The following UBE2D2 variants were observed in gnomAD, a reference collection of about 807,000 sequenced individuals.
UBE2D2 encodes ubiquitin-conjugating enzyme E2 D2.
A neutral mutation model predicts 24.2 loss-of-function variants in UBE2D2; 2 were observed. That is an observed-to-expected ratio of 0.08 (90% CI 0.03 to 0.26). UBE2D2 has a LOEUF of 0.26. Among genes scored for constraint, UBE2D2 ranks in the 10% least tolerant of loss-of-function variants. The pLI, the probability that UBE2D2 is intolerant of heterozygous loss-of-function variation, is 1.00. For missense variants in UBE2D2, 44 were observed against 177.6 expected, an observed-to-expected ratio of 0.25 and a Z score of 4.28; for synonymous variants, 58 against 56.5, an observed-to-expected ratio of 1.03 and a Z score of -0.12.
At chr5:139,598,552 CTTTTTTTTTT>C (rs746165110) in intron 1 of UBE2D2, among the ~76,000 whole-genome samples, 5 of 104,952 alleles carry the variant, frequency 4.8e-5, no homozygotes, top group Admixed American at 9.7e-5. Context: ...ACTACAAAGC[CTTTTTTTTTT>C]TTTTTTTTTT....
At chr5:139,551,171 C>T (rs995684109) in intron 1 of UBE2D2, among the ~76,000 whole-genome samples, 2 of 152,002 alleles carry the variant, frequency 1.3e-5, no homozygotes, top group African/African-American at 4.8e-5. Flanking sequence ...ATAGTGAAAC[C>T]CCATCTCTAC....
In UBE2D2 at chr5:139,546,796, T is replaced by TTTCTTTCTTTC. The variant is rs746995725; in HGVS notation, c.-64+20199_-64+20209dup. ...CCACCGTGCCTGGCCTTAAATTTTC[T>TTTCTTTCTTTC]TTCTTTCTTTCTTCTTTCTTTCTTC... On this transcript the variant is annotated intron_variant, in intron 1 of 6. Coordinates refer to the UBE2D2 transcript ENST00000511725. 2.8e-3 allele frequency among the ~76,000 whole-genome samples: 415 copies of TTTCTTTCTTTC among 149,830 alleles called. 2 individuals are homozygous for TTTCTTTCTTTC. Among genetic ancestry groups the TTTCTTTCTTTC allele is most frequent in the Non-Finnish European group, 4.1e-3 (277 of 67,440 alleles).
chr5:139,621,839 T>C (rs1754518987), intron 5 of UBE2D2, among the ~76,000 whole-genome samples: 1 of 152,206 alleles, frequency 6.6e-6, no homozygotes, highest in African/African-American at 2.4e-5. Context: ...CCTAGGCTGG[T>C]CTCAGACTCT....
chr5:139,532,674 A>G (rs991977637), intron 1 of UBE2D2, among the ~76,000 whole-genome samples: 4 of 151,492 alleles, frequency 2.6e-5, no homozygotes, highest in African/African-American at 9.7e-5. Context: ...TCTAGTAGAG[A>G]CAAGGTTTCA....
At chr5:139,544,466 C>CTTTTAGTTGAG (rs1752798960) in intron 1 of UBE2D2, among the ~76,000 whole-genome samples, 1 of 151,078 alleles carries the variant, frequency 6.6e-6, no homozygotes, top group Admixed American at 6.6e-5. Flanking sequence ...TTTTTTTGTA[C>CTTTTAGTTGAG]TTTTAGTTGA....
At chr5:139,531,131 T>C (rs1345446152) in intron 1 of UBE2D2, among the ~76,000 whole-genome samples, 1 of 152,256 alleles carries the variant, frequency 6.6e-6, no homozygotes, top group Admixed American at 6.5e-5. Context: ...TATTATTTTA[T>C]ACTCAGTACC....
chr5:139,555,168 C>T (rs1277673353), intron 1 of UBE2D2, among the ~76,000 whole-genome samples: 1 of 152,000 alleles, frequency 6.6e-6, no homozygotes, highest in East Asian at 1.9e-4. Flanking sequence ...GCCTCAGCCC[C>T]TGAAGTAGCT....
intron 1 of UBE2D2, among the ~76,000 whole-genome samples, chr5:139,568,145 A>C (rs893082172): frequency 6.6e-6 from 1 of 151,648 alleles, no homozygotes; most frequent in African/African-American, 2.4e-5. Flanking sequence ...GGAGTTCGAG[A>C]CCAGCCTGCC....
At chr5:139,615,119 G>A (rs1012282195) in intron 5 of UBE2D2, among the ~76,000 whole-genome samples, 153 bp downstream of exon 5, 1 of 152,164 alleles carries the variant, frequency 6.6e-6, no homozygotes, top group African/African-American at 2.4e-5. Context: ...AAACGAGTTG[G>A]ATTTTTCAAG....
In UBE2D2 at chr5:139,592,303, C is replaced by T. The variant is rs188115856; in HGVS notation, c.25-8069C>T. ...TGTGCCATTTTGCCCTTTGCCCTCC[C>T]GTGCTTTCCCCTCAAATCTTCTTGG... On this transcript the variant is annotated intron_variant, in intron 1 of 6. Coordinates refer to ENST00000398733, the MANE Select transcript of UBE2D2 (RefSeq NM_003339.3). Among the ~76,000 whole-genome samples the T allele has an allele frequency of 1.4e-4, 22 of 152,246 alleles. 1 individual carries two copies. The East Asian group carries it at 1.9e-3, about 13-fold the overall frequency.
chr5:139,587,027 C>T (rs952219887), intron 1 of UBE2D2, among the ~76,000 whole-genome samples: 11 of 152,148 alleles, frequency 7.2e-5, no homozygotes, highest in Admixed American at 2.0e-4. Flanking sequence ...TGGTGGGCCA[C>T]TTCCACGATG....
intron 1 of UBE2D2, among the ~76,000 whole-genome samples, chr5:139,592,060 G>A (rs570515085): frequency 1.3e-5 from 2 of 152,118 alleles, no homozygotes; most frequent in East Asian, 3.9e-4. Flanking sequence ...AAATTAGCCG[G>A]GCCTGGTGGC....
chr5:139,547,190 C>T (rs981583144), intron 1 of UBE2D2, among the ~76,000 whole-genome samples: 1 of 151,760 alleles, frequency 6.6e-6, no homozygotes, highest in African/African-American at 2.4e-5. Context: ...ACACGGGAGG[C>T]TGAGGCAGGA....
intron 1 of UBE2D2, chr5:139,562,487 A>G: frequency 8.0e-7 from 1 of 1,245,866 alleles, no homozygotes; most frequent in South Asian, 1.3e-5. Flanking sequence ...AGAAACTAAC[A>G]CTTCCGTTTT....
chr5:139,574,457 T>A (rs1753424922), intron 1 of UBE2D2, among the ~76,000 whole-genome samples: 1 of 151,790 alleles, frequency 6.6e-6, no homozygotes, highest in African/African-American at 2.4e-5. Flanking sequence ...ATACAGAGAA[T>A]CTCTTCTCAC....
chr5:139,624,223 T>G (rs184707495), intron 6 of UBE2D2, among the ~76,000 whole-genome samples: 1 of 152,320 alleles, frequency 6.6e-6, no homozygotes, highest in East Asian at 1.9e-4. Context: ...ATGTAGAATT[T>G]GGGTATTTTA....
chr5:139,543,188 C>A (rs1291412687), intron 1 of UBE2D2, among the ~76,000 whole-genome samples: 4 of 152,124 alleles, frequency 2.6e-5, no homozygotes, highest in South Asian at 4.2e-4. Context: ...AGCCACCGTG[C>A]CTGGCATATG....
chr5:139,533,916 G>A (rs1040912047), intron 1 of UBE2D2, among the ~76,000 whole-genome samples: 2 of 150,708 alleles, frequency 1.3e-5, no homozygotes, highest in African/African-American at 4.9e-5. Flanking sequence ...CCGAGTAGCT[G>A]GGATTACAGG....
chr5:139,582,739 C>G (rs897581313), intron 1 of UBE2D2, among the ~76,000 whole-genome samples: 1 of 141,364 alleles, frequency 7.1e-6, no homozygotes, highest in Non-Finnish European at 1.5e-5. Context: ...GGCTCAATCT[C>G]GGCTCACTGC....
Sources: allele counts gnomAD v4.1 joint callset (sites outside exome capture counted in the v4.1 genomes callset), GRCh38; gene constraint gnomAD v4.1.1; transcripts MANE v1.5; gene names NCBI Gene and HGNC (gene_info 2026-07-23, HGNC 2026-07-21).